The following LRP1B variants were observed in gnomAD, a reference collection of about 807,000 sequenced individuals.
The protein encoded by LRP1B is LDL receptor related protein 1B.
A neutral mutation model predicts 556.6 loss-of-function variants in LRP1B; 217 were observed. That is an observed-to-expected ratio of 0.39 (90% CI 0.35 to 0.44). The LOEUF (loss-of-function observed/expected upper bound fraction) is 0.44. Ranked by LOEUF, LRP1B falls within the 20% of genes least tolerant of loss-of-function variation. The pLI, the probability that LRP1B is intolerant of heterozygous loss-of-function variation, is 1.00. For missense variants in LRP1B, 5,053 were observed against 5,620.8 expected (o/e 0.90, Z 3.23); for synonymous variants, 2,047 against 1,865.8 (o/e 1.10, Z -2.50).
chr2:141,311,045 A>G (rs989272582), intron 3 of LRP1B, among the ~76,000 whole-genome samples: 2 of 152,162 alleles, frequency 1.3e-5, no homozygotes, highest in African/African-American at 4.8e-5. Flanking sequence ...TTATCCTTCT[A>G]TCTTGCCAGC....
At chr2:140,965,347 G>A (rs570201084) in intron 18 of LRP1B, among the ~76,000 whole-genome samples, 1 of 138,802 alleles carries the variant, frequency 7.2e-6, no homozygotes, top group Admixed American at 7.1e-5. Flanking sequence ...TAACTTTCAA[G>A]GTTAAAATAC....
intron 8 of LRP1B, among the ~76,000 whole-genome samples, 200 bp from the exon 9 acceptor site, chr2:141,059,254 T>A (rs561315218): frequency 6.6e-6 from 1 of 151,784 alleles, no homozygotes; most frequent in Non-Finnish European, 1.5e-5. Context: ...TGCAGTAGTG[T>A]TTAAAACAGT....
chr2:140,274,399 T>C, intron 85 of LRP1B, 25 bp downstream of exon 85: 4 of 1,605,590 alleles, frequency 2.5e-6, no homozygotes, highest in Non-Finnish European at 3.4e-6. Flanking sequence ...AATGCTTTTA[T>C]AAATTAAGCT....
At chr2:140,741,562 G>T (rs1688138458) in intron 35 of LRP1B, among the ~76,000 whole-genome samples, 1 of 151,946 alleles carries the variant, frequency 6.6e-6, no homozygotes, top group Admixed American at 6.6e-5. Context: ...GGAGTTTGGT[G>T]TACAAATAAT....
chr2:140,322,522 G>A (rs1030825940), intron 81 of LRP1B, among the ~76,000 whole-genome samples: 4 of 151,862 alleles, frequency 2.6e-5, no homozygotes, highest in South Asian at 2.1e-4. Flanking sequence ...CAATCCCCCC[G>A]CCTTGTATTT....
At chr2:141,657,509 C>T (rs1690056807) in intron 2 of LRP1B, among the ~76,000 whole-genome samples, 1 of 152,080 alleles carries the variant, frequency 6.6e-6, no homozygotes, top group East Asian at 1.9e-4. Flanking sequence ...TTTAAATTAA[C>T]TGAATTTCAA....
intron 1 of LRP1B, among the ~76,000 whole-genome samples, chr2:142,096,569 G>T (rs948839682): frequency 2.6e-5 from 4 of 151,268 alleles, no homozygotes; most frequent in African/African-American, 9.7e-5. Flanking sequence ...GAGACAAAAA[G>T]ATCTTGAATA....
intron 84 of LRP1B, among the ~76,000 whole-genome samples, chr2:140,275,752 A>G (rs1201066928): frequency 6.6e-6 from 1 of 151,742 alleles, no homozygotes; most frequent in African/African-American, 2.4e-5. Context: ...CAGTCACGAA[A>G]CTCCCTGTAA....
chr2:141,782,105 A>G (rs1695274615), intron 2 of LRP1B, among the ~76,000 whole-genome samples: 1 of 152,156 alleles, frequency 6.6e-6, no homozygotes, highest in Admixed American at 6.6e-5. Context: ...ATATTAAATT[A>G]TTCAGCTAGA....
chr2:142,101,694 C>T (rs904321773), intron 1 of LRP1B, among the ~76,000 whole-genome samples: 4 of 152,062 alleles, frequency 2.6e-5, no homozygotes, highest in Admixed American at 6.6e-5. Context: ...CAGGCTCAAA[C>T]TTTGAAAGTC....
intron 1 of LRP1B, among the ~76,000 whole-genome samples, chr2:142,061,081 T>G (rs1704889624): frequency 6.6e-6 from 1 of 151,940 alleles, no homozygotes; most frequent in African/African-American, 2.4e-5. Context: ...GGAAAGAAAT[T>G]CATTTCTTTC....
intron 43 of LRP1B, among the ~76,000 whole-genome samples, chr2:140,584,378 A>G (rs1159893766): frequency 1.5e-5 from 1 of 68,850 alleles, no homozygotes; most frequent in African/African-American, 5.2e-5. Context: ...AATTTGGAAG[A>G]AATGTGCTCA....
intron 5 of LRP1B, among the ~76,000 whole-genome samples, chr2:141,230,663 G>C (rs1683425955): frequency 6.6e-6 from 1 of 152,074 alleles, no homozygotes; most frequent in Non-Finnish European, 1.5e-5. Flanking sequence ...CAGACACACT[G>C]CACTTCTTAC....
chr2:141,549,489 T>G (rs1685673217), intron 2 of LRP1B, among the ~76,000 whole-genome samples: 1 of 152,160 alleles, frequency 6.6e-6, no homozygotes, highest in African/African-American at 2.4e-5. Flanking sequence ...CCCAAAAGAC[T>G]GGTATTTTCT....
chr2:140,283,819 A>C (rs1683016394), intron 84 of LRP1B, among the ~76,000 whole-genome samples: 1 of 151,842 alleles, frequency 6.6e-6, no homozygotes, highest in Non-Finnish European at 1.5e-5. Context: ...TTTTGTTTAT[A>C]AACAGTGTTT....
chr2:140,962,351 T>C (rs962383794), intron 18 of LRP1B, among the ~76,000 whole-genome samples: 1 of 152,154 alleles, frequency 6.6e-6, no homozygotes, highest in African/African-American at 2.4e-5. Flanking sequence ...TGAGACCCAG[T>C]ATCTAGAACA....
intron 18 of LRP1B, among the ~76,000 whole-genome samples, chr2:140,961,446 C>T (rs758704508): frequency 1.1e-4 from 16 of 151,920 alleles, no homozygotes; most frequent in Non-Finnish European, 1.6e-4. Flanking sequence ...TCAAAATCAC[C>T]CTTTATCTGA....
At chr2:141,373,206 G>A (rs1304798983) in intron 3 of LRP1B, among the ~76,000 whole-genome samples, 1 of 152,018 alleles carries the variant, frequency 6.6e-6, no homozygotes, top group Non-Finnish European at 1.5e-5. Context: ...TCTGGAAGGT[G>A]AAATCACTTG....
At chr2:141,315,461 G>A (rs895845673) in intron 3 of LRP1B, among the ~76,000 whole-genome samples, 4 of 151,574 alleles carry the variant, frequency 2.6e-5, no homozygotes, top group Middle Eastern at 3.4e-3. Flanking sequence ...GGGTTTCACC[G>A]TGTTAGCCAG....
Sources: gnomAD v4.1 joint callset for allele counts (sites outside exome capture counted in the v4.1 genomes callset) on GRCh38, gnomAD v4.1.1 for gene constraint, MANE v1.5 for transcripts, NCBI Gene and HGNC (gene_info 2026-07-23, HGNC 2026-07-21) for gene names.